Variants in PRELID3A observed in about 807,000 individuals in gnomAD.
The protein encoded by PRELID3A is PRELI domain containing protein 3A.
In PRELID3A, 27 loss-of-function variants were observed where a neutral mutation model predicts 23.0. The observed-to-expected ratio is 1.17, with a 90% CI of 0.87 to 1.62. The LOEUF (loss-of-function observed/expected upper bound fraction) is 1.62. PRELID3A is among the 40% of genes most tolerant of loss of function. The pLI is 0.00. For missense variants in PRELID3A, 231 were observed against 231.4 expected (o/e 1.00, Z 0.01); for synonymous variants, 87 against 86.4 (o/e 1.01, Z -0.04).
At chr18:12,419,371 G>C (rs1182949010) in intron 1 of PRELID3A, among the ~76,000 whole-genome samples, 1 of 145,064 alleles carries the variant, frequency 6.9e-6, no homozygotes, top group Non-Finnish European at 1.5e-5. Context: ...GCTTATGCCT[G>C]TAATCCCAGC....
At chr18:12,429,552 C>G in intron 6 of PRELID3A, 116 bp downstream of exon 6, 2 of 619,080 alleles carry the variant, frequency 3.2e-6, no homozygotes, top group Non-Finnish European at 5.7e-6. Context: ...CTCTCCAGCC[C>G]GGAGCTCCTT....
intron 1 of PRELID3A, among the ~76,000 whole-genome samples, chr18:12,411,894 T>C (rs901666268): frequency 7.3e-4 from 111 of 151,638 alleles, no homozygotes; most frequent in African/African-American, 2.6e-3. Context: ...GCATGTGTCA[T>C]ATTGTCTTCT....
At chr18:12,418,511 CAT>C (rs1027287371) in intron 1 of PRELID3A, among the ~76,000 whole-genome samples, 12 of 152,318 alleles carry the variant, frequency 7.9e-5, no homozygotes, top group South Asian at 2.1e-4. Context: ...TATGTGCACA[CAT>C]GTGAATGTGA....
intron 1 of PRELID3A, among the ~76,000 whole-genome samples, chr18:12,411,066 C>A (rs57692322): frequency 0.079 from 12,045 of 152,098 alleles, 1,589 homozygotes; most frequent in African/African-American, 0.27. Context: ...AACTCCGCCC[C>A]TGAGATCATC....
intron 5 of PRELID3A, among the ~76,000 whole-genome samples, chr18:12,428,134 A>G (rs1224141819): frequency 6.6e-6 from 1 of 152,110 alleles, no homozygotes; most frequent in Non-Finnish European, 1.5e-5. Flanking sequence ...CTCTGGCAGG[A>G]TTTGGCAGTA....
intron 6 of PRELID3A, among the ~76,000 whole-genome samples, 178 bp from the exon 7 acceptor site, chr18:12,430,968 CTGTA>C (rs926738023): frequency 2.1e-5 from 3 of 144,742 alleles, no homozygotes; most frequent in African/African-American, 7.8e-5. Flanking sequence ...TTGTGCATGT[CTGTA>C]TGATGTGCAT....
At chr18:12,419,289 G>A (rs966330330) in intron 1 of PRELID3A, among the ~76,000 whole-genome samples, 3 of 144,620 alleles carry the variant, frequency 2.1e-5, no homozygotes, top group African/African-American at 7.8e-5. Context: ...CAGAGCCATT[G>A]CACTCCAGCC....
At chr18:12,409,611 A>G (rs1363289290) in intron 1 of PRELID3A, among the ~76,000 whole-genome samples, 1 of 152,158 alleles carries the variant, frequency 6.6e-6, no homozygotes, top group East Asian at 1.9e-4. Context: ...TCCATCAGCA[A>G]CAAGGATGGG....
chr18:12,418,695 G>A (rs2030040002), intron 1 of PRELID3A, among the ~76,000 whole-genome samples: 1 of 152,192 alleles, frequency 6.6e-6, no homozygotes, highest in African/African-American at 2.4e-5. Context: ...AAGGAAGGGT[G>A]GATTAGGACA....
Position 12,423,217 on chromosome 18 carries a change from G to A in PRELID3A, c.291+1588G>A, listed in dbSNP as rs139114101. 1.5e-3 allele frequency among the ~76,000 whole-genome samples: 221 copies of A among 152,332 alleles called. 1 individual carries two copies. Among genetic ancestry groups the A allele is most frequent in the African/African-American group, 5.0e-3 (206 of 41,580 alleles). The stretch of plus-strand genomic sequence containing the variant: ...AAGGTGGTGTGGGAGGGAGGAGGCT[G>A]GAGAGGGGCAGGCACAAGACCACAG... On this transcript the variant is annotated intron_variant, in intron 3 of 6. Coordinates refer to ENST00000440960, the MANE Select transcript of PRELID3A (RefSeq NM_001142405.2).
chr18:12,418,473 C>A (rs1265666113), intron 1 of PRELID3A, among the ~76,000 whole-genome samples: 1 of 152,060 alleles, frequency 6.6e-6, no homozygotes, highest in Non-Finnish European at 1.5e-5. Context: ...GATGTGTGTG[C>A]ATGTGCATGT....
intron 1 of PRELID3A, among the ~76,000 whole-genome samples, chr18:12,415,913 A>T (rs2029936322): frequency 6.6e-6 from 1 of 152,342 alleles, no homozygotes; most frequent in East Asian, 1.9e-4. Flanking sequence ...GGAGCCATCC[A>T]TGCTGGGTGG....
At chr18:12,418,380 G>GATATAGGAA (rs1271873167) in intron 1 of PRELID3A, among the ~76,000 whole-genome samples, 2 of 152,180 alleles carry the variant, frequency 1.3e-5, no homozygotes, top group Admixed American at 6.5e-5. Context: ...ATGGCTTCAT[G>GATATAGGAA]ATATAGGAAA....
In PRELID3A at chr18:12,410,467, T is replaced by TGTGGTACCATGAG. The variant is rs1176154383; in HGVS notation, c.32+2477_32+2489dup. 4.6e-5 allele frequency among the ~76,000 whole-genome samples: 7 copies of TGTGGTACCATGAG among 152,302 alleles called. 1 individual carries two copies. Among genetic ancestry groups the TGTGGTACCATGAG allele is most frequent in the East Asian group, 1.9e-4 (1 of 5,186 alleles). On this transcript the variant is annotated intron_variant, in intron 1 of 6. Coordinates refer to ENST00000440960, the MANE Select transcript of PRELID3A (RefSeq NM_001142405.2). ...CTGTGGCTGGACGGGTTATGAATGA[T>TGTGGTACCATGAG]GTGGTACCATGAGGTGGTACCATGA...
At chr18:12,411,120 C>T (rs1235001813) in intron 1 of PRELID3A, among the ~76,000 whole-genome samples, 3 of 151,894 alleles carry the variant, frequency 2.0e-5, no homozygotes, top group Non-Finnish European at 2.9e-5. Flanking sequence ...ACAGAGAGCC[C>T]GGGGAAAGGC....
chr18:12,425,127 T>C (rs947990750), intron 3 of PRELID3A, among the ~76,000 whole-genome samples: 1 of 144,488 alleles, frequency 6.9e-6, no homozygotes, highest in Non-Finnish European at 1.5e-5. Flanking sequence ...TGAAACTCCA[T>C]CTGAAAAAAA....
chr18:12,415,255 T>G (rs1262277751), intron 1 of PRELID3A, among the ~76,000 whole-genome samples: 1 of 150,538 alleles, frequency 6.6e-6, no homozygotes, highest in Non-Finnish European at 1.5e-5. Context: ...TTTTTTTTAA[T>G]TTTTATTTTT....
chr18:12,426,307 C>T (rs1240222692), intron 3 of PRELID3A, among the ~76,000 whole-genome samples: 4 of 151,500 alleles, frequency 2.6e-5, no homozygotes, highest in Admixed American at 1.3e-4. Context: ...GTAATCCCAG[C>T]ACTTTGGGAG....
intron 1 of PRELID3A, among the ~76,000 whole-genome samples, chr18:12,414,102 C>T (rs1268093016): frequency 6.6e-6 from 1 of 152,128 alleles, no homozygotes; most frequent in Non-Finnish European, 1.5e-5. Context: ...GGGGCTCCCA[C>T]TCAGAGTGAA....
Sources: allele counts gnomAD v4.1 joint callset (sites outside exome capture counted in the v4.1 genomes callset), GRCh38; gene constraint gnomAD v4.1.1; transcripts MANE v1.5; gene names NCBI Gene and HGNC (gene_info 2026-07-23, HGNC 2026-07-21).